The following EQTN variants were observed in gnomAD, a reference collection of about 807,000 sequenced individuals.
The protein encoded by EQTN is Acrosome formation associated factor.
In EQTN, 29 loss-of-function variants were observed where a neutral mutation model predicts 26.9. The ratio of observed to expected loss-of-function variants is 1.08; its 90% CI spans 0.80 to 1.47. The LOEUF (loss-of-function observed/expected upper bound fraction) is 1.47. Ranked by LOEUF, EQTN falls within the 40% of genes most tolerant of loss-of-function variation. The pLI, the probability that EQTN is intolerant of heterozygous loss-of-function variation, is 0.00. For missense variants in EQTN, 391 were observed against 346.1 expected (o/e 1.13, Z -1.03); for synonymous variants, 129 against 120.0 (o/e 1.07, Z -0.49).
chr9:27,291,194 C>CT (rs35677322), intron 4 of EQTN, 131 bp from the exon 5 acceptor site: 200,557 of 696,702 alleles, frequency 0.29, 32,162 homozygotes, highest in African/African-American at 0.47. Flanking sequence ...TGTGTCAGAC[C>CT]TGTGGTTGGC....
intron 7 of EQTN, 58 bp downstream of exon 7, chr9:27,286,151 G>C (rs940860727): frequency 6.6e-7 from 1 of 1,523,460 alleles, no homozygotes; most frequent in African/African-American, 1.4e-5. Context: ...AAAGAGAGGA[G>C]GGAGAGAATG....
chr9:27,284,746 T>C lies in EQTN; in HGVS notation c.862A>G (p.Asn288Asp), dbSNP rs1820081142. The C allele has an allele frequency of 1.2e-6, 2 of 1,614,012 alleles. No individual in the cohort carries two copies. Among genetic ancestry groups the C allele is most frequent in the Non-Finnish European group, 1.7e-6 (2 of 1,179,962 alleles). Residue 288 changes from asparagine to aspartate, a missense_variant, in exon 8 of 8, where the codon AAC becomes GAC. Physicochemically the swap from Asn to Asp is conservative, Grantham distance 23. Transcript: ENST00000380032. Reference sequence around the variant, plus strand: ...CTTCACCGGGTAACCGACTCATCGTTTTCATGCATCTCATTATCTGAGCCT... The same window carrying C: ...CTTCACCGGGTAACCGACTCATCGTCTTCATGCATCTCATTATCTGAGCCT... ...SIGSDNEMHE[N>D]DESVTR
rs137934975 is a variant in EQTN, at chr9:27,295,856, AACG to A, written c.202+754_202+756del. Among the ~76,000 whole-genome samples, 911 of 137,794 alleles carry A rather than the reference AACG, an allele frequency of 6.6e-3. 24 individuals carry two copies. The highest frequency in any genetic ancestry group is 0.021 in the African/African-American group (745 of 34,968). The allele number at this position is 137,794 out of a possible 152,430, so 90.4% of individuals were successfully genotyped here. A position where few individuals can be genotyped will look rare whatever the true frequency, so the allele number is the denominator to read the frequency against. On this transcript the variant is annotated intron_variant, in intron 2 of 7. Transcript: ENST00000380032. ...CAAAAAAAAAAAAAAAAAAAAAAAC[AACG>A]ATAAAATTACTTTTAAAATTCAAGA...
At chr9:27,289,941 C>T (rs1038571170) in intron 5 of EQTN, among the ~76,000 whole-genome samples, 2 of 152,210 alleles carry the variant, frequency 1.3e-5, no homozygotes, top group African/African-American at 4.8e-5. Flanking sequence ...TAGATTCCTG[C>T]AAGTCTGGTC....
At position 27,284,920 on chromosome 9, in the gene EQTN, A is replaced by T; in HGVS notation, c.688T>A (p.Ser230Thr). The T allele has an allele frequency of 6.2e-7, 1 of 1,614,162 alleles. No individual in the cohort carries two copies. Among genetic ancestry groups the T allele is most frequent in the Non-Finnish European group, 8.5e-7 (1 of 1,179,994 alleles). The change falls in exon 8 of 8, where the codon TCT becomes ACT. Residue 230 changes from serine (S) to threonine (T), a missense_variant. Coordinates refer to ENST00000380032, the MANE Select transcript of EQTN (RefSeq NM_020641.3). Reference sequence around the variant, plus strand: ...ACACCTTCTGATGGATGAAAGTAAGACATCGTGGCCAGCTCTGGGTTGACA... The same window carrying T: ...ACACCTTCTGATGGATGAAAGTAAGTCATCGTGGCCAGCTCTGGGTTGACA... ...YSVNPELATM[S>T]YFHPSEGVSD...
intron 2 of EQTN, among the ~76,000 whole-genome samples, chr9:27,296,361 C>G (rs1220665703): frequency 6.6e-6 from 1 of 152,034 alleles, no homozygotes; most frequent in Non-Finnish European, 1.5e-5. Context: ...TAAGCAGCAT[C>G]TTGGCAGAAA....
chr9:27,289,915 A>G (rs1437658474), intron 5 of EQTN, among the ~76,000 whole-genome samples, 184 bp from the exon 6 acceptor site: 1 of 152,240 alleles, frequency 6.6e-6, no homozygotes, highest in Non-Finnish European at 1.5e-5. Context: ...TGTTGCTCCC[A>G]GGGTAAATAC....
At chr9:27,293,674 G>A (rs1820281418) in intron 3 of EQTN, among the ~76,000 whole-genome samples, 1 of 152,186 alleles carries the variant, frequency 6.6e-6, no homozygotes, top group East Asian at 1.9e-4. Context: ...CTTAAGAGCT[G>A]CCTCTTCATG....
intron 6 of EQTN, among the ~76,000 whole-genome samples, chr9:27,286,666 C>T (rs3739539): frequency 0.34 from 51,574 of 152,016 alleles, 9,547 homozygotes; most frequent in African/African-American, 0.48. Flanking sequence ...GTTGCAAATC[C>T]GGGTTACCAG....
Position 27,292,499 on chromosome 9 carries a change from G to C in EQTN, c.290-12C>G, listed in dbSNP as rs771064346. 4 of 1,534,868 alleles carry C rather than the reference G, an allele frequency of 2.6e-6. No homozygotes were observed. Among genetic ancestry groups the C allele is most frequent in the Non-Finnish European group, 3.6e-6 (4 of 1,119,290 alleles). ...ATTGACAGTTTTATCTAGGAAAAGG[G>C]AAAAAGAATTATCAGCATGTAAAAA... On this transcript the variant is annotated splice_polypyrimidine_tract_variant and intron_variant, in intron 3 of 7. Transcript: ENST00000380032.
chr9:27,291,894 T>C (rs150078273), intron 4 of EQTN, among the ~76,000 whole-genome samples: 22 of 152,300 alleles, frequency 1.4e-4, no homozygotes, highest in Admixed American at 7.8e-4. Flanking sequence ...TGGGTTGTTA[T>C]GGCTCCACAC....
Position 27,291,041 on chromosome 9 carries a change from T to C in EQTN, c.399A>G (p.Ala133=). Residue 133 remains alanine (A), a synonymous_variant, in exon 5 of 8, where the codon GCA becomes GCG. Transcript: ENST00000380032. Reference sequence around the variant, plus strand: ...TACCTTTAGCTAACATTGTCCAAAATGCAGGCACGTTTGGGGTTGATCCTG... The same window carrying C: ...TACCTTTAGCTAACATTGTCCAAAACGCAGGCACGTTTGGGGTTGATCCTG... ...NIQRSTPNVP[A]FWTMLAKAIN... 1.2e-6 allele frequency: 2 copies of C among 1,612,386 alleles called. No homozygotes were observed. Among genetic ancestry groups the C allele is most frequent in the South Asian group, 2.2e-5 (2 of 90,608 alleles).
At position 27,289,669 on chromosome 9, in the gene EQTN, T is replaced by C. The variant is rs780995459; in HGVS notation, c.481+3A>G. 1.6e-5 allele frequency: 25 copies of C among 1,603,820 alleles called. No homozygotes were observed. In the South Asian group the frequency reaches 2.8e-4, roughly 18 times the overall value. On this transcript the variant is annotated splice_donor_region_variant and intron_variant, in intron 6 of 7. Coordinates refer to ENST00000380032, the MANE Select transcript of EQTN (RefSeq NM_020641.3). ...CCAGTCAATTGAAATATTTTGTTCT[T>C]ACCTGGAATTGGGTGAAATAATTGA...
intron 7 of EQTN, among the ~76,000 whole-genome samples, chr9:27,285,602 C>T (rs1413076197): frequency 1.3e-5 from 2 of 151,994 alleles, no homozygotes; most frequent in Non-Finnish European, 2.9e-5. Context: ...GGAATAAATA[C>T]CTAGGATCAC....
intron 6 of EQTN, 105 bp from the exon 7 acceptor site, chr9:27,286,467 G>T (rs1820126238): frequency 2.7e-6 from 3 of 1,129,570 alleles, no homozygotes; most frequent in African/African-American, 3.1e-5. Flanking sequence ...CCACCATCCA[G>T]AGTATTAACT....
chr9:27,286,877 G>A (rs1238118395), intron 6 of EQTN, among the ~76,000 whole-genome samples: 1 of 152,014 alleles, frequency 6.6e-6, no homozygotes, highest in East Asian at 1.9e-4. Flanking sequence ...TGAAGCTTAA[G>A]GGCTAGTTTT....
At position 27,286,098 on chromosome 9, in the gene EQTN, C is replaced by T. The variant is rs147749149; in HGVS notation, c.635+111G>A. The T allele has an allele frequency of 1.7e-4, 183 of 1,057,550 alleles. No homozygotes were observed. In the African/African-American group the frequency reaches 2.4e-3, roughly 14 times the overall value. The allele number at this position is 1,057,550 out of a possible 1,614,324, so 65.5% of individuals were successfully genotyped here. Reference sequence around the variant, plus strand: ...GGGTAAATGGAATCAATTTGAATGTCGTATGGATGAATTCAGAGGTCACAT... The same window carrying T: ...GGGTAAATGGAATCAATTTGAATGTTGTATGGATGAATTCAGAGGTCACAT... On this transcript the variant is annotated intron_variant, in intron 7 of 7. Coordinates refer to ENST00000380032, the MANE Select transcript of EQTN (RefSeq NM_020641.3).
At chr9:27,295,852 A>AAAAAAAAAAAAG in intron 2 of EQTN, among the ~76,000 whole-genome samples, 1 of 151,024 alleles carries the variant, frequency 6.6e-6, no homozygotes, top group African/African-American at 2.4e-5. Context: ...AAAAAAAAAA[A>AAAAAAAAAAAAG]AACAACGATA....
At chr9:27,287,088 T>A (rs1820139258) in intron 6 of EQTN, among the ~76,000 whole-genome samples, 1 of 152,150 alleles carries the variant, frequency 6.6e-6, no homozygotes, top group South Asian at 2.1e-4. Flanking sequence ...AATATATATC[T>A]GACTTAATAA....
Sources: allele counts gnomAD v4.1 joint callset (sites outside exome capture counted in the v4.1 genomes callset), GRCh38; gene constraint gnomAD v4.1.1; transcripts MANE v1.5; gene names NCBI Gene and HGNC (gene_info 2026-07-23, HGNC 2026-07-21).